Variants in RBFOX3 observed in about 807,000 individuals in gnomAD.
RBFOX3 encodes RNA binding protein fox-1 homolog 3.
In RBFOX3, 17 loss-of-function variants were observed where a neutral mutation model predicts 48.7. The observed-to-expected ratio is 0.35, with a 90% CI of 0.24 to 0.52. The LOEUF is 0.52. RBFOX3 is among the 20% of genes least tolerant of loss of function. RBFOX3 has a pLI of 0.94. For missense variants in RBFOX3, 382 were observed against 497.5 expected (o/e 0.77, Z 2.21); for synonymous variants, 212 against 209.5 (o/e 1.01, Z -0.10).
intron 1 of RBFOX3, among the ~76,000 whole-genome samples, chr17:79,575,751 G>A (rs1018583690): frequency 6.6e-5 from 10 of 152,172 alleles, no homozygotes; most frequent in South Asian, 4.1e-4. Flanking sequence ...GTCCTTGCCC[G>A]GGGCAGCCTG....
At chr17:79,594,466 C>A (rs2093513406) in intron 1 of RBFOX3, among the ~76,000 whole-genome samples, 1 of 152,210 alleles carries the variant, frequency 6.6e-6, no homozygotes, top group South Asian at 2.1e-4. Flanking sequence ...CCTCCAGGCT[C>A]TGCCTCCCAC....
At chr17:79,260,859 C>T (rs541101955) in intron 3 of RBFOX3, among the ~76,000 whole-genome samples, 318 of 152,262 alleles carry the variant, frequency 2.1e-3, no homozygotes, top group African/African-American at 7.4e-3. Flanking sequence ...CAGCTCTGGC[C>T]GACTGCCAGA....
At chr17:79,436,920 G>A (rs1269642095) in intron 2 of RBFOX3, among the ~76,000 whole-genome samples, 4 of 152,146 alleles carry the variant, frequency 2.6e-5, no homozygotes, top group South Asian at 2.1e-4. Context: ...TGACCTCTCC[G>A]GGGAGCTGGG....
chr17:79,170,859 C>T (rs1430226604), intron 4 of RBFOX3, among the ~76,000 whole-genome samples: 4 of 152,222 alleles, frequency 2.6e-5, no homozygotes, highest in South Asian at 2.1e-4. Context: ...CCTCGCACCC[C>T]GGGTACCAGG....
At chr17:79,563,881 C>A (rs1051533297) in intron 1 of RBFOX3, among the ~76,000 whole-genome samples, 22 of 152,294 alleles carry the variant, frequency 1.4e-4, no homozygotes, top group African/African-American at 4.3e-4. Context: ...AGGAAGTTCT[C>A]CCATGAGTCA....
intron 1 of RBFOX3, among the ~76,000 whole-genome samples, chr17:79,586,482 G>A (rs1360550280): frequency 6.6e-6 from 1 of 152,236 alleles, no homozygotes; most frequent in Non-Finnish European, 1.5e-5. Context: ...TCAAGCTACA[G>A]CGTTTTGGGG....
chr17:79,170,412 G>C (rs1050454202), intron 4 of RBFOX3, among the ~76,000 whole-genome samples: 1 of 152,110 alleles, frequency 6.6e-6, no homozygotes, highest in Admixed American at 6.5e-5. Flanking sequence ...CTGAGGGAGG[G>C]CTCCAGGGCC....
chr17:79,160,696 C>T (rs2046793639), intron 4 of RBFOX3, among the ~76,000 whole-genome samples: 1 of 152,150 alleles, frequency 6.6e-6, no homozygotes, highest in Admixed American at 6.5e-5. Flanking sequence ...TAATAAACAT[C>T]TTGGCGAGCG....
At chr17:79,426,693 TTTTG>T (rs200466368) in intron 2 of RBFOX3, among the ~76,000 whole-genome samples, 45 of 151,776 alleles carry the variant, frequency 3.0e-4, no homozygotes, top group Admixed American at 3.3e-4. Context: ...GGTGTGTGTT[TTTTG>T]TTTGTTTGTT....
In RBFOX3 at chr17:79,313,603, G is replaced by A. The variant is rs978526484; in HGVS notation, c.-174-5779C>T. Reference sequence around the variant, plus strand: ...TCAGGGGAGCAAGGGAGAGATGGGCGGGGCGGGACCTCATCTTTTCTTCCT... The same window carrying A: ...TCAGGGGAGCAAGGGAGAGATGGGCAGGGCGGGACCTCATCTTTTCTTCCT... On this transcript the variant is annotated intron_variant, in intron 2 of 14. Coordinates refer to ENST00000693108, the MANE Select transcript of RBFOX3 (RefSeq NM_001350451.2). 3.9e-4 allele frequency among the ~76,000 whole-genome samples: 59 copies of A among 152,170 alleles called. 1 individual carries two copies. Among genetic ancestry groups the A allele is most frequent in the Admixed American group, 3.3e-3 (51 of 15,278 alleles).
intron 2 of RBFOX3, among the ~76,000 whole-genome samples, chr17:79,442,237 GA>G (rs1568257905): frequency 4.2e-3 from 31 of 7,412 alleles, no homozygotes; most frequent in Non-Finnish European, 6.4e-3. Context: ...GAGAGAGAGA[GA>G]GAGAGAGAGA....
intron 1 of RBFOX3, among the ~76,000 whole-genome samples, chr17:79,592,096 CATGT>C (rs1354361772): frequency 5.4e-5 from 8 of 147,414 alleles, no homozygotes; most frequent in Non-Finnish European, 1.0e-4. Context: ...CATATGCATG[CATGT>C]GTGTGTGTGT....
At chr17:79,654,265 T>A in the RBFOX3 span, among the ~76,000 whole-genome samples, 4 of 152,158 alleles carry the variant, frequency 2.6e-5, no homozygotes, top group Non-Finnish European at 5.9e-5. Flanking sequence ...TCTGACCAGC[T>A]TTCGGACTCT....
At position 79,096,734 on chromosome 17, in the gene RBFOX3, G is replaced by A. The variant is rs762608152; in HGVS notation, c.855C>T (p.Thr285=). 4.5e-6 allele frequency: 7 copies of A among 1,543,950 alleles called. No individual in the cohort carries two copies. In the African/African-American group the frequency reaches 9.6e-5, roughly 21 times the overall value. Residue 285 remains threonine, a synonymous_variant, in exon 12 of 15, where the codon ACC becomes ACT. Transcript: ENST00000693108. ...PQQTPEPAYP[T]SPAFPPLSCP... ...AAGAAAGTGGTGGGAACGCTGGAGAGGTGGGGTAGGCCGGCTCCGGTGTCT... is the reference window on the plus strand; with the variant it reads ...AAGAAAGTGGTGGGAACGCTGGAGAAGTGGGGTAGGCCGGCTCCGGTGTCT...
At chr17:79,517,481 G>T (rs2085427431) in intron 1 of RBFOX3, among the ~76,000 whole-genome samples, 1 of 150,820 alleles carries the variant, frequency 6.6e-6, no homozygotes, top group African/African-American at 2.4e-5. Context: ...ACAAAAGAAA[G>T]GAAGGAGGAA....
At chr17:79,543,714 A>G (rs1264385472) in intron 1 of RBFOX3, among the ~76,000 whole-genome samples, 4 of 152,230 alleles carry the variant, frequency 2.6e-5, no homozygotes, top group African/African-American at 7.2e-5. Context: ...CCGCGGTCTT[A>G]GGTACAAAGC....
the RBFOX3 span, among the ~76,000 whole-genome samples, chr17:79,651,284 C>G: frequency 6.6e-6 from 1 of 152,174 alleles, no homozygotes; most frequent in African/African-American, 2.4e-5. Flanking sequence ...TCTGTGAGCT[C>G]CTGGCCATCA....
rs986304226 is a variant in RBFOX3, at chr17:79,459,483, G to A, written c.-175+22971C>T. On this transcript the variant is annotated intron_variant, in intron 2 of 14. Coordinates refer to ENST00000693108, the MANE Select transcript of RBFOX3 (RefSeq NM_001350451.2). ...AGTGGGGCGGATGGCACTGGGCAAC[G>A]TCCTGCCCGGCAGAGGAAGGGGATG... 9.2e-5 allele frequency among the ~76,000 whole-genome samples: 14 copies of A among 152,162 alleles called. 1 individual carries two copies. The highest frequency in any genetic ancestry group is 2.1e-4 in the South Asian group (1 of 4,828).
chr17:79,236,623 C>G (rs1166370090), intron 3 of RBFOX3, among the ~76,000 whole-genome samples: 8 of 152,128 alleles, frequency 5.3e-5, no homozygotes, highest in Admixed American at 5.2e-4. Flanking sequence ...ATTATAGAGG[C>G]AATCGTTGTA....
Sources: gnomAD v4.1 joint callset for allele counts (sites outside exome capture counted in the v4.1 genomes callset) on GRCh38, gnomAD v4.1.1 for gene constraint, MANE v1.5 for transcripts, NCBI Gene and HGNC (gene_info 2026-07-23, HGNC 2026-07-21) for gene names.